The following KDM1B variants were observed in gnomAD, a reference collection of about 807,000 sequenced individuals.
KDM1B encodes the protein lysine-specific histone demethylase 2.
In KDM1B, 63 loss-of-function variants were observed where a neutral mutation model predicts 107.4. The observed-to-expected ratio is 0.59, with a 90% CI of 0.48 to 0.72. The LOEUF is 0.72. Ranked by LOEUF, KDM1B falls within the 30% of genes least tolerant of loss-of-function variation. The probability of loss-of-function intolerance (pLI) is 0.00; values close to 1 mark genes in which losing one functional copy is unlikely to be tolerated. For missense variants in KDM1B, 749 were observed against 1,020.8 expected, an observed-to-expected ratio of 0.73 and a Z score of 3.63; for synonymous variants, 363 against 363.9, an observed-to-expected ratio of 1.00 and a Z score of 0.03.
chr6:18,223,333 A>ACCGCCCGCCCC lies in KDM1B; in HGVS notation c.*1348_*1358dup, dbSNP rs1789921448. ...CTCAGGCATTTAAGACACCTCCCCC[A>ACCGCCCGCCCC]CCGCCCGCCCCCCGCCCCCCCCAAT... On this transcript the variant is annotated 3_prime_UTR_variant, in exon 22 of 22. Transcript: ENST00000650836. 1 of 68,256 alleles carries ACCGCCCGCCCC rather than the reference A, an allele frequency of 1.5e-5. No individual in the cohort carries two copies. The highest frequency in any genetic ancestry group is 3.3e-5 in the Non-Finnish European group (1 of 30,356). The allele number at this position is 68,256 out of a possible 1,614,324, so 4.2% of individuals were successfully genotyped here.
chr6:18,219,836 C>A (rs1789541237), intron 21 of KDM1B, among the ~76,000 whole-genome samples: 1 of 152,172 alleles, frequency 6.6e-6, no homozygotes, highest in South Asian at 2.1e-4. Context: ...GAAGCTCAGC[C>A]CCTGGCACTG....
chr6:18,190,436 CA>C (rs59766756), intron 9 of KDM1B, among the ~76,000 whole-genome samples: 2,933 of 107,304 alleles, frequency 0.027, 38 homozygotes, highest in African/African-American at 0.066. Context: ...ACTAAAAATA[CA>C]AAAAAAAAAA....
chr6:18,174,455 A>G (rs902354969), intron 7 of KDM1B, among the ~76,000 whole-genome samples: 1 of 151,840 alleles, frequency 6.6e-6, no homozygotes, highest in African/African-American at 2.4e-5. Context: ...GCTGATACGT[A>G]TTTATTTTTA....
chr6:18,188,769 A>G (rs369255131), intron 9 of KDM1B, among the ~76,000 whole-genome samples: 19 of 141,408 alleles, frequency 1.3e-4, no homozygotes, highest in African/African-American at 4.8e-4. Context: ...ACGTGCCACT[A>G]CAGCTGGTTA....
rs556147623 is a variant in KDM1B, at chr6:18,175,394, G to A, written c.534+3915G>A. The stretch of plus-strand genomic sequence containing the variant: ...GATTCTGGATAGTAGTCCTTTGTCA[G>A]ATGTATAGGTTGTGAAGATTTTCTC... On this transcript the variant is annotated intron_variant, in intron 7 of 21. Coordinates refer to ENST00000650836, the MANE Select transcript of KDM1B (RefSeq NM_001364614.2). Among the ~76,000 whole-genome samples the A allele has an allele frequency of 2.6e-5, 4 of 152,254 alleles. No homozygotes were observed. In the East Asian group the frequency reaches 5.8e-4, roughly 22 times the overall value.
At chr6:18,199,008 G>GAAAAAAAAAAAAAAAAAAAA (rs70974711) in intron 12 of KDM1B, among the ~76,000 whole-genome samples, 3 of 74,696 alleles carry the variant, frequency 4.0e-5, no homozygotes, top group South Asian at 4.8e-4. Context: ...GTCTCTACCA[G>GAAAAAAAAAAAAAAAAAAAA]AAAAAAAAAA....
Position 18,162,795 on chromosome 6 carries a change from T to G in KDM1B, c.216-40T>G, listed in dbSNP as rs1785049444. On this transcript the variant is annotated intron_variant, in intron 4 of 21. Transcript: ENST00000650836. This position sits in a 1 kb window ranked among gnomAD's most constrained non-coding sequence, Gnocchi z 4.1. Reference sequence around the variant, plus strand: ...TTTTAAAAAATGGGAGGAGAAATGTTTATTCATTACCAAAGCTATATGTTT... The same window carrying G: ...TTTTAAAAAATGGGAGGAGAAATGTGTATTCATTACCAAAGCTATATGTTT... 1 of 1,144,964 alleles carries G rather than the reference T, an allele frequency of 8.7e-7. No homozygotes were observed. Among genetic ancestry groups the G allele is most frequent in the African/African-American group, 1.5e-5 (1 of 65,640 alleles). The allele number at this position is 1,144,964 out of a possible 1,614,324, so 70.9% of individuals were successfully genotyped here. A position where few individuals can be genotyped will look rare whatever the true frequency, so the allele number is the denominator to read the frequency against.
At chr6:18,161,650 A>G (rs1784978450) in intron 4 of KDM1B, among the ~76,000 whole-genome samples, 196 bp downstream of exon 4, 1 of 152,090 alleles carries the variant, frequency 6.6e-6, no homozygotes, top group African/African-American at 2.4e-5. Context: ...TCCCTAGCCT[A>G]CTGGGAGAGG....
intron 12 of KDM1B, among the ~76,000 whole-genome samples, chr6:18,198,650 A>AC (rs1455070549): frequency 1.4e-5 from 2 of 141,780 alleles, no homozygotes; most frequent in East Asian, 2.0e-4. Context: ...AAAAAAAAAA[A>AC]AAAAAAACAA....
chr6:18,199,008 GAAAAAAA>G (rs70974711), intron 12 of KDM1B, among the ~76,000 whole-genome samples: 2,034 of 74,706 alleles, frequency 0.027, 24 homozygotes, highest in African/African-American at 0.064. Flanking sequence ...GTCTCTACCA[GAAAAAAA>G]AAAAAAAAAA....
At chr6:18,176,427 C>A (rs12199671) in intron 7 of KDM1B, among the ~76,000 whole-genome samples, 1 of 152,168 alleles carries the variant, frequency 6.6e-6, no homozygotes, top group East Asian at 1.9e-4. Context: ...TCCTCTTTAC[C>A]GATTTGGATG....
At chr6:18,187,656 T>TCA in intron 8 of KDM1B, 136 bp from the exon 9 acceptor site, 1 of 533,248 alleles carries the variant, frequency 1.9e-6, no homozygotes. Flanking sequence ...TGGAATAGAA[T>TCA]TGTTAAGTCT....
chr6:18,204,125 C>G lies in KDM1B; in HGVS notation c.1532-1412C>G, dbSNP rs950902440. ...AAGAACTGAACATTTTGATGAAAGCCTTGAGCTGTTCTAAAAAAAAAAATA... is the reference window on the plus strand; with the variant it reads ...AAGAACTGAACATTTTGATGAAAGCGTTGAGCTGTTCTAAAAAAAAAAATA... On this transcript the variant is annotated intron_variant, in intron 14 of 21. Transcript: ENST00000650836. The surrounding 1 kb of genome is among the most constrained non-coding windows in gnomAD (Gnocchi z 4.9). Among the ~76,000 whole-genome samples the G allele has an allele frequency of 6.6e-6, 1 of 151,226 alleles. No individual in the cohort carries two copies. Among genetic ancestry groups the G allele is most frequent in the African/African-American group, 2.5e-5 (1 of 40,644 alleles).
At chr6:18,195,990 T>C (rs1484428476) in intron 10 of KDM1B, among the ~76,000 whole-genome samples, 2 of 152,048 alleles carry the variant, frequency 1.3e-5, no homozygotes, top group Admixed American at 1.3e-4. Flanking sequence ...TCCCCGCTAT[T>C]CCCCCTCCCC....
At chr6:18,182,689 A>G (rs1373981849) in intron 7 of KDM1B, among the ~76,000 whole-genome samples, 1 of 151,938 alleles carries the variant, frequency 6.6e-6, no homozygotes, top group Admixed American at 6.6e-5. Context: ...GACCATGCAC[A>G]GCTACTTTTT....
chr6:18,212,438 T>G lies in KDM1B; in HGVS notation c.1867-50T>G, dbSNP rs535288600. On this transcript the variant is annotated intron_variant, in intron 17 of 21. Transcript: ENST00000650836. The surrounding 1 kb of genome is among the most constrained non-coding windows in gnomAD (Gnocchi z 5.2). ...GTTGTTGATACCAGTGTAGTGGTAG[T>G]GTGAGGTTCTGTTGCTGTTTGTTTG... The G allele has an allele frequency of 2.9e-6, 3 of 1,038,422 alleles. No homozygotes were observed. Among genetic ancestry groups the G allele is most frequent in the East Asian group, 4.7e-5 (2 of 42,334 alleles). The allele number at this position is 1,038,422 out of a possible 1,614,324, so 64.3% of individuals were successfully genotyped here.
chr6:18,223,270 C>T lies in KDM1B; in HGVS notation c.*1278C>T, dbSNP rs981911313. ...AATTTAAAAGTAGGTCAGTTTATAACGAGTAAATACCTAACACACCAAGAA... is the reference window on the plus strand; with the variant it reads ...AATTTAAAAGTAGGTCAGTTTATAATGAGTAAATACCTAACACACCAAGAA... On this transcript the variant is annotated 3_prime_UTR_variant, in exon 22 of 22. Coordinates refer to ENST00000650836, the MANE Select transcript of KDM1B (RefSeq NM_001364614.2). The T allele has an allele frequency of 6.6e-6, 1 of 152,332 alleles. No individual in the cohort carries two copies. The highest frequency in any genetic ancestry group is 2.4e-5 in the African/African-American group (1 of 41,414). 9.4% of individuals were successfully genotyped at this position (152,332 alleles called of 1,614,324 possible). A position where few individuals can be genotyped will look rare whatever the true frequency, so the allele number is the denominator to read the frequency against.
chr6:18,195,443 G>A (rs1787577803), intron 10 of KDM1B, among the ~76,000 whole-genome samples: 2 of 152,242 alleles, frequency 1.3e-5, no homozygotes, highest in South Asian at 4.1e-4. Flanking sequence ...ATACATATAT[G>A]TATGTTGTGG....
At position 18,212,317 on chromosome 6, in the gene KDM1B, C is replaced by T. The variant is rs1788906500; in HGVS notation, c.1867-171C>T. The T allele has an allele frequency of 2.1e-5, 14 of 654,946 alleles. No homozygotes were observed. The highest frequency in any genetic ancestry group is 1.9e-4 in the South Asian group (11 of 56,628). The allele number at this position is 654,946 out of a possible 1,614,324, so 40.6% of individuals were successfully genotyped here. ...TTTTGCCCACTCTTCCCTGTGGTTG[C>T]CACTTCTGCTTAGCCAGGCATTGGC... On this transcript the variant is annotated intron_variant, in intron 17 of 21. Coordinates refer to ENST00000650836, the MANE Select transcript of KDM1B (RefSeq NM_001364614.2). The surrounding 1 kb of genome is among the most constrained non-coding windows in gnomAD (Gnocchi z 5.2).
Sources: allele counts gnomAD v4.1 joint callset (sites outside exome capture counted in the v4.1 genomes callset), GRCh38; gene constraint gnomAD v4.1.1; non-coding constraint Gnocchi (gnomAD v3.1); transcripts MANE v1.5; gene names NCBI Gene and HGNC (gene_info 2026-07-23, HGNC 2026-07-21).